MTUS1: variants seen among roughly 807,000 people sequenced by gnomAD.
MTUS1 encodes microtubule associated scaffold protein 1.
In MTUS1, 109 loss-of-function variants were observed where a neutral mutation model predicts 120.8. The ratio of observed to expected loss-of-function variants is 0.90; its 90% CI spans 0.77 to 1.06. The LOEUF is 1.06. MTUS1 is among the 50% of genes least tolerant of loss of function. The pLI, the probability that MTUS1 is intolerant of heterozygous loss-of-function variation, is 0.00. For synonymous variants in MTUS1, 737 were observed against 550.5 expected, an observed-to-expected ratio of 1.34 and a Z score of -4.74; for missense variants, 2,210 against 1,486.3, an observed-to-expected ratio of 1.49 and a Z score of -8.01.
intron 1 of MTUS1, among the ~76,000 whole-genome samples, chr8:17,769,346 ATTTTT>A (rs34688586): frequency 6.6e-5 from 7 of 106,044 alleles, no homozygotes; most frequent in African/African-American, 1.4e-4. Context: ...TTAGTCAGTA[ATTTTT>A]TTTTTTTTTT....
intron 1 of MTUS1, among the ~76,000 whole-genome samples, chr8:17,793,719 C>A (rs1256604766): frequency 6.6e-6 from 1 of 152,102 alleles, no homozygotes; most frequent in Admixed American, 6.6e-5. Context: ...CCTTCTTAAT[C>A]CTTTTGGTGA....
chr8:17,725,098 G>C (rs1020378633), intron 3 of MTUS1, among the ~76,000 whole-genome samples: 5 of 151,884 alleles, frequency 3.3e-5, no homozygotes, highest in African/African-American at 1.2e-4. Flanking sequence ...CAAACCATTG[G>C]AATCATCTTT....
At chr8:17,783,860 A>G (rs545875964) in intron 1 of MTUS1, among the ~76,000 whole-genome samples, 57 of 152,304 alleles carry the variant, frequency 3.7e-4, no homozygotes, top group African/African-American at 1.3e-3. Flanking sequence ...TACCACTGAC[A>G]GTGGCCCGGA....
At chr8:17,702,368 C>T (rs1424467913) in intron 6 of MTUS1, among the ~76,000 whole-genome samples, 1 of 152,102 alleles carries the variant, frequency 6.6e-6, no homozygotes, top group Non-Finnish European at 1.5e-5. Flanking sequence ...ACTTATTTTT[C>T]CCTTTCTTTT....
Position 17,755,752 on chromosome 8 carries a change from G to T in MTUS1, c.56C>A (p.Thr19Asn). The T allele has an allele frequency of 6.2e-7, 1 of 1,613,112 alleles. No individual in the cohort carries two copies. The highest frequency in any genetic ancestry group is 8.5e-7 in the Non-Finnish European group (1 of 1,179,246). ...KIEDELQTFF[T>N]SDKDGNTHAY... ...ATGTGTATTTCCATCTTTATCACTG[G>T]TAAAGAAGGTTTGCAATTCATCTTC... Residue 19 changes from threonine to asparagine, a missense_variant, in exon 2 of 15, where the codon ACC (threonine) becomes AAC (asparagine). By Grantham distance (65) the Thr-to-Asn change is moderately conservative (BLOSUM62 0). Transcript: ENST00000693296.
At chr8:17,787,520 G>A (rs1586410892) in intron 1 of MTUS1, among the ~76,000 whole-genome samples, 1 of 152,124 alleles carries the variant, frequency 6.6e-6, no homozygotes, top group African/African-American at 2.4e-5. Flanking sequence ...TGGTAGGTCT[G>A]CACAGCTATG....
intron 13 of MTUS1, among the ~76,000 whole-genome samples, chr8:17,648,757 C>G (rs532435056): frequency 6.6e-6 from 1 of 152,324 alleles, no homozygotes; most frequent in East Asian, 1.9e-4. Context: ...CCCCTACTGT[C>G]CAGGGCTGGT....
At chr8:17,793,488 A>G (rs1186675931) in intron 1 of MTUS1, among the ~76,000 whole-genome samples, 1 of 152,190 alleles carries the variant, frequency 6.6e-6, no homozygotes, top group African/African-American at 2.4e-5. Context: ...TATCTGACAA[A>G]AGAATTTCAA....
intron 8 of MTUS1, among the ~76,000 whole-genome samples, chr8:17,665,366 C>T (rs1444595491): frequency 6.6e-6 from 1 of 152,214 alleles, no homozygotes; most frequent in Non-Finnish European, 1.5e-5. Context: ...AATGCCACTT[C>T]ACCTTTAAAA....
intron 4 of MTUS1, among the ~76,000 whole-genome samples, chr8:17,719,586 A>T (rs757322346): frequency 1.3e-4 from 20 of 152,278 alleles, no homozygotes; most frequent in Non-Finnish European, 1.8e-4. Context: ...GAGCCTAATG[A>T]ATCTACCGCC....
chr8:17,719,516 T>C (rs909943335), intron 4 of MTUS1, among the ~76,000 whole-genome samples: 1 of 152,212 alleles, frequency 6.6e-6, no homozygotes, highest in Non-Finnish European at 1.5e-5. Context: ...GTCTGGATAA[T>C]ATTTCCTTTT....
chr8:17,770,617 C>G, intron 1 of MTUS1: 1 of 152,348 alleles, frequency 6.6e-6, no homozygotes, highest in Non-Finnish European at 1.5e-5. Flanking sequence ...ACAATGAAGC[C>G]TCTCTGGGGA....
Position 17,755,452 on chromosome 8 carries a change from T to C in MTUS1, c.356A>G (p.His119Arg), listed in dbSNP as rs373814039. ...AACTGCTTCTAGGGAATGACAACTG[T>C]GTTGCAGATATTTGGGCTTCTCAGT... ...VGTEKPKYLQ[H>R]SCHSLEAVEG... The change falls in exon 2 of 15, where the codon CAC (histidine) becomes CGC (arginine). Residue 119 changes from histidine to arginine, a missense_variant. By Grantham distance (29) the His-to-Arg change is conservative. Transcript: ENST00000693296. The C allele has an allele frequency of 2.5e-5, 40 of 1,614,068 alleles. No individual in the cohort carries two copies. Among genetic ancestry groups the C allele is most frequent in the Middle Eastern group, 1.6e-4 (1 of 6,084 alleles).
intron 3 of MTUS1, among the ~76,000 whole-genome samples, chr8:17,726,199 T>G (rs896373833): frequency 6.6e-6 from 1 of 152,172 alleles, no homozygotes; most frequent in African/African-American, 2.4e-5. Flanking sequence ...CTAGGCCTAC[T>G]GAATCACCAC....
chr8:17,661,033 T>G (rs907526025), intron 8 of MTUS1, among the ~76,000 whole-genome samples: 1 of 152,226 alleles, frequency 6.6e-6, no homozygotes, highest in Non-Finnish European at 1.5e-5. Flanking sequence ...TGGTCTTGAC[T>G]GCTGGAGAAC....
At chr8:17,729,808 A>C (rs2046440088) in intron 3 of MTUS1, among the ~76,000 whole-genome samples, 1 of 152,120 alleles carries the variant, frequency 6.6e-6, no homozygotes, top group Non-Finnish European at 1.5e-5. Flanking sequence ...TCAACAACGA[A>C]AATACCAAAA....
chr8:17,726,676 T>A (rs1299387187), intron 3 of MTUS1, among the ~76,000 whole-genome samples: 1 of 152,170 alleles, frequency 6.6e-6, no homozygotes, highest in African/African-American at 2.4e-5. Context: ...TAGCAACTGT[T>A]AGATAGCAAA....
intron 10 of MTUS1, chr8:17,654,072 A>G (rs1161646086): frequency 6.1e-6 from 1 of 164,026 alleles, no homozygotes; most frequent in Non-Finnish European, 1.3e-5. Flanking sequence ...CAACTGGTTT[A>G]GTAGAAAGAC....
chr8:17,653,534 A>T (rs751955946), intron 10 of MTUS1, 36 bp from the exon 11 acceptor site: 2 of 1,434,168 alleles, frequency 1.4e-6, no homozygotes, highest in East Asian at 4.5e-5. Flanking sequence ...AGGCAATAAC[A>T]TTCTATGAGA....
Sources: allele counts gnomAD v4.1 joint callset (sites outside exome capture counted in the v4.1 genomes callset), GRCh38; gene constraint gnomAD v4.1.1; transcripts MANE v1.5; gene names NCBI Gene and HGNC (gene_info 2026-07-23, HGNC 2026-07-21).